The following ASB2 variants were observed in gnomAD, a reference collection of about 807,000 sequenced individuals.
The protein encoded by ASB2 is ankyrin repeat and SOCS box protein 2.
A neutral mutation model predicts 62.4 loss-of-function variants in ASB2; 58 were observed. The observed-to-expected ratio is 0.93, with a 90% CI of 0.75 to 1.16. ASB2 has a LOEUF of 1.16. Ranked by LOEUF, ASB2 falls within the 50% of genes most tolerant of loss-of-function variation. The pLI, the probability that ASB2 is intolerant of heterozygous loss-of-function variation, is 0.00. For missense variants in ASB2, 928 were observed against 887.9 expected, an observed-to-expected ratio of 1.05 and a Z score of -0.57; for synonymous variants, 386 against 385.3, an observed-to-expected ratio of 1.00 and a Z score of -0.02.
At chr14:93,943,594 A>G (rs1888613527) in intron 7 of ASB2, among the ~76,000 whole-genome samples, 1 of 152,248 alleles carries the variant, frequency 6.6e-6, no homozygotes, top group Non-Finnish European at 1.5e-5. Flanking sequence ...CAGCGAGCCA[A>G]GATTGTGCCA....
chr14:93,948,186 C>G (rs958526759), intron 6 of ASB2: 1 of 154,358 alleles, frequency 6.5e-6, no homozygotes, highest in African/African-American at 2.4e-5. Flanking sequence ...CTGCTCTTAT[C>G]TCCAGATTAC....
Position 93,964,498 on chromosome 14 carries a change from A to G in ASB2, c.42T>C (p.Ile14=), listed in dbSNP as rs2141314001. The change falls in exon 2 of 10, where the codon ATT becomes ATC. Residue 14 remains isoleucine, a synonymous_variant. Transcript: ENST00000555019. ...TGTACAGGCTGTACTCCTCCTGCCC[A>G]ATGGTACACTGGCTGCCCCGAGTGC... ...QISTRGSQCT[I]GQEEYSLYSS... The G allele has an allele frequency of 1.3e-6, 2 of 1,536,034 alleles. No individual in the cohort carries two copies. The highest frequency in any genetic ancestry group is 8.7e-7 in the Non-Finnish European group (1 of 1,146,886).
chr14:93,957,598 G>A (rs890190409), intron 2 of ASB2, among the ~76,000 whole-genome samples: 8 of 152,280 alleles, frequency 5.3e-5, no homozygotes, highest in East Asian at 3.9e-4. Flanking sequence ...GCCTGTGCTC[G>A]AGGGCCGGTG....
chr14:93,941,357 G>T, intron 7 of ASB2: 2 of 296,292 alleles, frequency 6.8e-6, no homozygotes, highest in East Asian at 1.1e-4. Flanking sequence ...AGAGAAGCAG[G>T]TGCCACCAGG....
chr14:93,954,947 A>G (rs1411544388), intron 3 of ASB2, among the ~76,000 whole-genome samples: 1 of 152,156 alleles, frequency 6.6e-6, no homozygotes, highest in Non-Finnish European at 1.5e-5. Context: ...AAAAATATAT[A>G]CTGGAAGGAT....
At chr14:93,950,336 G>T (rs1036177090) in intron 6 of ASB2, among the ~76,000 whole-genome samples, 8 of 152,190 alleles carry the variant, frequency 5.3e-5, no homozygotes, top group Non-Finnish European at 1.2e-4. Flanking sequence ...CCAAAAGCAA[G>T]TCTGCCATGT....
chr14:93,962,391 A>C (rs1310262822), intron 2 of ASB2, among the ~76,000 whole-genome samples: 1 of 152,184 alleles, frequency 6.6e-6, no homozygotes, highest in Non-Finnish European at 1.5e-5. Context: ...TTTTCTTCCC[A>C]GCAGGGCCCA....
chr14:93,939,502 T>C lies in ASB2; in HGVS notation c.1223A>G (p.Glu408Gly). The C allele has an allele frequency of 6.2e-7, 1 of 1,608,844 alleles. No individual in the cohort carries two copies. Among genetic ancestry groups the C allele is most frequent in the Non-Finnish European group, 8.5e-7 (1 of 1,177,822 alleles). Residue 408 changes from glutamate to glycine, a missense_variant, in exon 8 of 10, where the codon GAA becomes GGA. Coordinates refer to ENST00000555019, the MANE Select transcript of ASB2 (RefSeq NM_001202429.2). ...PLAPERARLY[E>G]DRRSSALYFA... The stretch of plus-strand genomic sequence containing the variant: ...GTACAGCGCGGAGCTGCGCCGGTCT[T>C]CGTAGAGGCGCGCGCGCTCGGGGGC...
chr14:93,944,127 AG>A (rs1172073683), intron 7 of ASB2: 1 of 394,056 alleles, frequency 2.5e-6, no homozygotes, highest in African/African-American at 2.1e-5. Context: ...GGCCCAGACC[AG>A]CGGCAGCGCC....
At chr14:93,934,858 T>C (rs1888218144) in intron 9 of ASB2, 66 bp from the exon 10 acceptor site, 1 of 1,404,854 alleles carries the variant, frequency 7.1e-7, no homozygotes, top group African/African-American at 1.4e-5. Flanking sequence ...ATTGCATCTG[T>C]GACCCCAGCC....
At chr14:93,961,343 C>T (rs1338339271) in intron 2 of ASB2, among the ~76,000 whole-genome samples, 1 of 152,252 alleles carries the variant, frequency 6.6e-6, no homozygotes, top group African/African-American at 2.4e-5. Flanking sequence ...TCTAGACCTA[C>T]TTCTCTTTCC....
chr14:93,958,092 C>T (rs1037108288), intron 2 of ASB2, among the ~76,000 whole-genome samples: 1 of 152,158 alleles, frequency 6.6e-6, no homozygotes, highest in African/African-American at 2.4e-5. Context: ...GGAGGGGAAC[C>T]TGCTCACCCC....
Position 93,939,432 on chromosome 14 carries a change from C to T in ASB2, c.1293G>A (p.Leu431=). The change falls in exon 8 of 10, where the codon CTG becomes CTA. Residue 431 remains leucine, a synonymous_variant. Transcript: ENST00000555019. ...CGCGGTTGGGGTCGGCGCCGTGTTGCAGCAGCAGCTCGGTGGCGTACACGT... is the reference window on the plus strand; with the variant it reads ...CGCGGTTGGGGTCGGCGCCGTGTTGTAGCAGCAGCTCGGTGGCGTACACGT... ...NNNVYATELL[L]QHGADPNRDV... is the part of the protein sequence containing the mutation. The T allele has an allele frequency of 6.2e-7, 1 of 1,612,772 alleles. No homozygotes were observed. Among genetic ancestry groups the T allele is most frequent in the Non-Finnish European group, 8.5e-7 (1 of 1,179,822 alleles).
At chr14:93,959,541 C>A (rs1467640402) in intron 2 of ASB2, among the ~76,000 whole-genome samples, 1 of 152,212 alleles carries the variant, frequency 6.6e-6, no homozygotes, top group African/African-American at 2.4e-5. Context: ...CAGAGCAAAC[C>A]TCCTGGGCTG....
intron 1 of ASB2, among the ~76,000 whole-genome samples, chr14:93,972,822 GGC>G (rs1318697123): frequency 6.6e-6 from 1 of 152,348 alleles, no homozygotes; most frequent in East Asian, 1.9e-4. Flanking sequence ...TCAAGCCTCT[GGC>G]TGCCCTGGGG....
chr14:93,953,456 T>TGCCTCAATGCCAAGTGCC lies in ASB2; in HGVS notation c.529_530insGGCACTTGGCATTGAGGC (p.Tyr177delinsTrpHisLeuAlaLeuArgHis). On this transcript the variant is annotated protein_altering_variant, in exon 5 of 10. Coordinates refer to ENST00000555019, the MANE Select transcript of ASB2 (RefSeq NM_001202429.2). ...CAGGTGGCCCCTGCACGTTGCCAAG[T>TGCCTCAATGCCAAGTGCC]AAACGGCTGTTTCCTCCTGCAGGGT... 6.2e-7 allele frequency: 1 copy of TGCCTCAATGCCAAGTGCC among 1,608,510 alleles called. No homozygotes were observed. Among genetic ancestry groups the TGCCTCAATGCCAAGTGCC allele is most frequent in the Non-Finnish European group, 8.5e-7 (1 of 1,175,608 alleles).
At chr14:93,954,551 A>T in intron 3 of ASB2, 68 bp from the exon 4 acceptor site, 1 of 1,464,938 alleles carries the variant, frequency 6.8e-7, no homozygotes, top group East Asian at 2.3e-5. Context: ...CCTCTCTCTC[A>T]GGAGTGCTGG....
At chr14:93,937,924 C>T (rs767498086) in intron 8 of ASB2, 73 bp from the exon 9 acceptor site, 53 of 1,455,848 alleles carry the variant, frequency 3.6e-5, no homozygotes, top group South Asian at 2.0e-4. Flanking sequence ...GGGACGGCAG[C>T]GGATGTGTCC....
At chr14:93,969,335 T>A (rs1236833833) in intron 1 of ASB2, among the ~76,000 whole-genome samples, 5 of 152,176 alleles carry the variant, frequency 3.3e-5, no homozygotes, top group African/African-American at 4.8e-5. Context: ...TGAAGCAGCG[T>A]GTGGAGCCAG....
Sources: gnomAD v4.1 joint callset for allele counts (sites outside exome capture counted in the v4.1 genomes callset) on GRCh38, gnomAD v4.1.1 for gene constraint, MANE v1.5 for transcripts, NCBI Gene and HGNC (gene_info 2026-07-23, HGNC 2026-07-21) for gene names.